SGCZ: variants seen among roughly 807,000 people sequenced by gnomAD.
The protein encoded by SGCZ is zeta-sarcoglycan.
In SGCZ, 40 loss-of-function variants were observed where a neutral mutation model predicts 41.3. That is an observed-to-expected ratio of 0.97 (90% CI 0.75 to 1.26). The LOEUF (loss-of-function observed/expected upper bound fraction) is 1.26, where lower values mean the gene tolerates loss of function less well. Among genes scored for constraint, SGCZ ranks in the 50% most tolerant of loss-of-function variants. The pLI is 0.00. For synonymous variants in SGCZ, 206 were observed against 137.5 expected, an observed-to-expected ratio of 1.50 and a Z score of -3.49; for missense variants, 552 against 369.8, an observed-to-expected ratio of 1.49 and a Z score of -4.04.
chr8:14,822,073 T>TACACACACACACAC (rs57337707), intron 1 of SGCZ, among the ~76,000 whole-genome samples: 3 of 141,590 alleles, frequency 2.1e-5, no homozygotes, highest in African/African-American at 7.8e-5. Context: ...CCCTAAAGAT[T>TACACACACACACAC]ACACACACAC....
At chr8:15,064,653 A>T (rs1230360370) in intron 1 of SGCZ, among the ~76,000 whole-genome samples, 1 of 151,850 alleles carries the variant, frequency 6.6e-6, no homozygotes, top group Non-Finnish European at 1.5e-5. Context: ...TGGACCTCTC[A>T]TTCCTCATAA....
intron 1 of SGCZ, among the ~76,000 whole-genome samples, chr8:14,999,018 C>T (rs1283790442): frequency 6.6e-6 from 1 of 152,134 alleles, no homozygotes; most frequent in East Asian, 1.9e-4. Context: ...GAATAGTTTA[C>T]CCACACTTAG....
chr8:14,308,614 T>A (rs926059499), intron 3 of SGCZ, among the ~76,000 whole-genome samples: 6 of 151,778 alleles, frequency 4.0e-5, no homozygotes, highest in African/African-American at 1.5e-4. Flanking sequence ...ATGCCACGTC[T>A]AAAAAAAATT....
chr8:14,966,596 A>G (rs761823388), intron 1 of SGCZ, among the ~76,000 whole-genome samples: 3 of 152,238 alleles, frequency 2.0e-5, no homozygotes, highest in Non-Finnish European at 2.9e-5. Flanking sequence ...TGCCATATTT[A>G]CTAATTTCCA....
Position 14,741,635 on chromosome 8 carries a change from G to C in SGCZ, c.40-186709C>G, listed in dbSNP as rs1276767915. 2.6e-5 allele frequency among the ~76,000 whole-genome samples: 4 copies of C among 151,902 alleles called. No homozygotes were observed. The East Asian group carries it at 7.7e-4, about 29-fold the overall frequency. ...TAACTGAAATGCTTTTTATATTATT[G>C]TCAAAATTGGTTGGCAATAAACCAT... On this transcript the variant is annotated intron_variant, in intron 1 of 7. Coordinates refer to ENST00000382080, the MANE Select transcript of SGCZ (RefSeq NM_139167.4).
chr8:14,364,963 G>C (rs928281112), intron 2 of SGCZ, among the ~76,000 whole-genome samples: 1 of 151,876 alleles, frequency 6.6e-6, no homozygotes, highest in African/African-American at 2.4e-5. Context: ...TCCTTCCATA[G>C]CTCTCATGTT....
chr8:14,472,252 T>C (rs1801233066), intron 2 of SGCZ, among the ~76,000 whole-genome samples: 1 of 152,112 alleles, frequency 6.6e-6, no homozygotes, highest in African/African-American at 2.4e-5. Context: ...GAATCTTGTT[T>C]AATATCTTTA....
chr8:14,731,671 C>G (rs749327860), intron 1 of SGCZ, among the ~76,000 whole-genome samples: 1 of 152,128 alleles, frequency 6.6e-6, no homozygotes, highest in Non-Finnish European at 1.5e-5. Context: ...CTTTTCTTCT[C>G]CAGCATTCCA....
intron 1 of SGCZ, among the ~76,000 whole-genome samples, chr8:15,209,776 T>A (rs1422174866): frequency 2.2e-5 from 1 of 44,672 alleles, no homozygotes; most frequent in African/African-American, 5.7e-5. Flanking sequence ...AAAAAATTAA[T>A]TAATTAAAAA....
At chr8:15,088,898 T>C (rs140122790) in intron 1 of SGCZ, among the ~76,000 whole-genome samples, 8 of 152,340 alleles carry the variant, frequency 5.3e-5, no homozygotes, top group African/African-American at 1.7e-4. Context: ...TTAGAAATTA[T>C]AGGTAAGAGC....
intron 1 of SGCZ, among the ~76,000 whole-genome samples, chr8:14,949,184 G>C (rs1563384495): frequency 6.6e-6 from 1 of 152,122 alleles, no homozygotes. Context: ...TTAGCTGGAA[G>C]CTGTGTTTTC....
At chr8:14,814,495 C>T (rs190051865) in intron 1 of SGCZ, among the ~76,000 whole-genome samples, 1 of 152,248 alleles carries the variant, frequency 6.6e-6, no homozygotes, top group Admixed American at 6.5e-5. Context: ...AAGAGGGCCC[C>T]CAGAAGTGCC....
intron 1 of SGCZ, among the ~76,000 whole-genome samples, chr8:14,922,218 C>T (rs867386358): frequency 2.0e-5 from 3 of 151,926 alleles, no homozygotes; most frequent in East Asian, 2.0e-4. Context: ...TGACTGCGTA[C>T]GACTGTCCTT....
intron 2 of SGCZ, among the ~76,000 whole-genome samples, chr8:14,367,759 G>A (rs1362327162): frequency 1.3e-5 from 2 of 152,050 alleles, no homozygotes; most frequent in African/African-American, 2.4e-5. Context: ...GTTACCACCA[G>A]GTCTCTCCCT....
intron 3 of SGCZ, among the ~76,000 whole-genome samples, chr8:14,311,427 A>T (rs1002304199): frequency 6.6e-6 from 1 of 152,074 alleles, no homozygotes; most frequent in African/African-American, 2.4e-5. Flanking sequence ...TGACAGGAGG[A>T]TATGGGTGCT....
At chr8:15,174,502 CA>C (rs1457289377) in intron 1 of SGCZ, among the ~76,000 whole-genome samples, 1 of 152,050 alleles carries the variant, frequency 6.6e-6, no homozygotes, top group Non-Finnish European at 1.5e-5. Flanking sequence ...GACGAAAATA[CA>C]AAAGTATACT....
In SGCZ at chr8:14,222,417, C is replaced by T. The variant is rs1156439473; in HGVS notation, c.424+15175G>A. Among the ~76,000 whole-genome samples, 14 of 152,044 alleles carry T rather than the reference C, an allele frequency of 9.2e-5. 1 individual carries two copies. Among genetic ancestry groups the T allele is most frequent in the Admixed American group, 9.2e-4 (14 of 15,262 alleles). ...GCTCCTGACCTTGTGATCCACCCAC[C>T]TCCGCCTCCCAAAGTGCTAAGATTA... On this transcript the variant is annotated intron_variant, in intron 4 of 7. Transcript: ENST00000382080.
At chr8:14,893,969 AC>A in intron 1 of SGCZ, among the ~76,000 whole-genome samples, 1 of 152,310 alleles carries the variant, frequency 6.6e-6, no homozygotes, top group South Asian at 2.1e-4. Flanking sequence ...TGTTTGTAAC[AC>A]TTTTTAACCC....
chr8:14,096,114 G>T (rs1223108649), intron 7 of SGCZ, among the ~76,000 whole-genome samples: 2 of 152,038 alleles, frequency 1.3e-5, no homozygotes, highest in African/African-American at 4.8e-5. Context: ...TTTCCTGACT[G>T]CCCTAGCCAG....
Sources: allele counts gnomAD v4.1 joint callset (sites outside exome capture counted in the v4.1 genomes callset), GRCh38; gene constraint gnomAD v4.1.1; transcripts MANE v1.5; gene names NCBI Gene and HGNC (gene_info 2026-07-23, HGNC 2026-07-21).